DAB1: variants seen among roughly 807,000 people sequenced by gnomAD.
DAB1 encodes DAB adaptor protein 1, also known as disabled homolog 1.
DAB1 carries 15 observed loss-of-function variants against 64.6 expected under a neutral mutation model. That is an observed-to-expected ratio of 0.23 (90% confidence interval 0.16 to 0.36). The LOEUF (loss-of-function observed/expected upper bound fraction) is 0.36, where lower values mean the gene tolerates loss of function less well. Among genes scored for constraint, DAB1 ranks in the 10% least tolerant of loss-of-function variants. The probability of loss-of-function intolerance (pLI) is 1.00; values close to 1 mark genes in which losing one functional copy is unlikely to be tolerated. For missense variants in DAB1, 596 were observed against 706.7 expected (o/e 0.84, Z 1.78); for synonymous variants, 235 against 251.9 (o/e 0.93, Z 0.64).
At chr1:58,137,803 T>C (rs114423112) in intron 5 of DAB1, among the ~76,000 whole-genome samples, 1,645 of 152,308 alleles carry the variant, frequency 0.011, 31 homozygotes, top group African/African-American at 0.038. Context: ...AGACTACATA[T>C]TCAAGTGTCA....
intron 1 of DAB1, among the ~76,000 whole-genome samples, chr1:57,309,717 GA>G (rs145671626): frequency 0.027 from 4,061 of 151,458 alleles, 146 homozygotes; most frequent in African/African-American, 0.091. Flanking sequence ...ACTCAGAGAT[GA>G]AAAAAAAATT....
At chr1:57,436,574 A>C (rs1460346397) in intron 7 of DAB1, among the ~76,000 whole-genome samples, 2 of 152,226 alleles carry the variant, frequency 1.3e-5, no homozygotes, top group Non-Finnish European at 2.9e-5. Context: ...AATATAAACA[A>C]GATGTTCTGT....
intron 5 of DAB1, among the ~76,000 whole-genome samples, chr1:57,900,453 A>G (rs1303516459): frequency 6.6e-6 from 1 of 152,206 alleles, no homozygotes; most frequent in South Asian, 2.1e-4. Context: ...ACCCTGTTCT[A>G]GGATGCCAGT....
At chr1:57,253,875 T>C (rs1353257985) in intron 2 of DAB1, among the ~76,000 whole-genome samples, 2 of 152,206 alleles carry the variant, frequency 1.3e-5, no homozygotes, top group Admixed American at 6.5e-5. Flanking sequence ...TTATTAAGGA[T>C]AAAACATTTC....
At chr1:57,699,546 G>C (rs1646883487) in intron 6 of DAB1, among the ~76,000 whole-genome samples, 1 of 152,146 alleles carries the variant, frequency 6.6e-6, no homozygotes, top group Admixed American at 6.5e-5. Flanking sequence ...GGGATGATGA[G>C]GAAGCAAGAC....
At chr1:58,019,472 T>G (rs1646786453) in intron 5 of DAB1, among the ~76,000 whole-genome samples, 1 of 152,212 alleles carries the variant, frequency 6.6e-6, no homozygotes. Context: ...AAACTAACAA[T>G]TATTGCCTAC....
chr1:58,074,558 A>ATATACATATATATGTGTT (rs1170950120), intron 5 of DAB1: 1 of 57,604 alleles, frequency 1.7e-5, no homozygotes, highest in Admixed American at 2.4e-4. Context: ...ACATATATAT[A>ATATACATATATATGTGTT]TGTGTGTATA....
intron 3 of DAB1, among the ~76,000 whole-genome samples, chr1:58,446,221 T>C (rs1645065100): frequency 6.6e-6 from 1 of 152,322 alleles, no homozygotes; most frequent in Admixed American, 6.5e-5. Context: ...CAGGCAGGCA[T>C]TGGCCAAATC....
Position 58,318,544 on chromosome 1 carries a change from T to C in DAB1, n.309+24808A>G, listed in dbSNP as rs184722221. 3.1e-3 allele frequency among the ~76,000 whole-genome samples: 479 copies of C among 152,322 alleles called. 3 individuals are homozygous for C. The highest frequency in any genetic ancestry group is 0.011 in the African/African-American group (464 of 41,578). ...ACATAGAGTCACCAAATGTGAGACC[T>C]GTATAGAAGAACACACATTTTACAG... On this transcript the variant is annotated intron_variant and non_coding_transcript_variant, in intron 4 of 20. Transcript: ENST00000485760.
chr1:58,545,017 G>A (rs1187617989), intron 1 of DAB1, among the ~76,000 whole-genome samples: 1 of 152,098 alleles, frequency 6.6e-6, no homozygotes, highest in Non-Finnish European at 1.5e-5. Flanking sequence ...TTACAGTCAT[G>A]AGCCACCACG....
chr1:58,485,148 G>C (rs1645553424), intron 3 of DAB1, among the ~76,000 whole-genome samples: 2 of 137,076 alleles, frequency 1.5e-5, no homozygotes, highest in South Asian at 4.8e-4. Flanking sequence ...TGCGGGGACA[G>C]ATGTATAAGG....
chr1:57,609,992 C>G (rs749128801), intron 7 of DAB1, among the ~76,000 whole-genome samples: 27 of 152,176 alleles, frequency 1.8e-4, no homozygotes, highest in Non-Finnish European at 2.8e-4. Context: ...TTCCTGGGCA[C>G]CCACTAATTG....
chr1:57,535,505 C>T (rs1338455568), intron 7 of DAB1, among the ~76,000 whole-genome samples: 1 of 131,942 alleles, frequency 7.6e-6, no homozygotes, highest in African/African-American at 2.8e-5. Flanking sequence ...GTGTCTTGCT[C>T]TGTCGCCAGA....
chr1:58,150,974 A>G (rs967547241), intron 4 of DAB1, among the ~76,000 whole-genome samples: 2 of 152,136 alleles, frequency 1.3e-5, no homozygotes, highest in Non-Finnish European at 2.9e-5. Context: ...TAGTTTGCTG[A>G]GAATGGTGGT....
At chr1:58,034,248 A>G (rs1647012301) in intron 5 of DAB1, among the ~76,000 whole-genome samples, 1 of 152,236 alleles carries the variant, frequency 6.6e-6, no homozygotes, top group Non-Finnish European at 1.5e-5. Context: ...GTGCTAAAGA[A>G]CTGAGGGAAA....
In DAB1 at chr1:58,202,212, T is replaced by C. The variant is rs1570478166; in HGVS notation, n.310-51624A>G. Among the ~76,000 whole-genome samples the C allele has an allele frequency of 3.9e-5, 6 of 152,292 alleles. 1 individual carries two copies. The South Asian group carries it at 1.0e-3, about 26-fold the overall frequency. On this transcript the variant is annotated intron_variant and non_coding_transcript_variant, in intron 4 of 20. Coordinates refer to the DAB1 transcript ENST00000485760. ...ATTTAAGACTTCACAACAGTCAGAG[T>C]TGTTACTTAATCAATGCCTTCTGAC...
intron 1 of DAB1, among the ~76,000 whole-genome samples, chr1:57,321,613 G>A (rs1388242679): frequency 6.6e-6 from 1 of 152,166 alleles, no homozygotes; most frequent in African/African-American, 2.4e-5. Flanking sequence ...ATCATAAAAA[G>A]CAGGTGATAC....
chr1:58,064,146 T>G (rs1015505155), intron 5 of DAB1, among the ~76,000 whole-genome samples: 1 of 152,142 alleles, frequency 6.6e-6, no homozygotes, highest in Non-Finnish European at 1.5e-5. Context: ...TATAGAGATA[T>G]GAGATAGGGA....
intron 6 of DAB1, among the ~76,000 whole-genome samples, chr1:57,657,791 C>T (rs1275982976): frequency 6.6e-6 from 1 of 152,126 alleles, no homozygotes; most frequent in African/African-American, 2.4e-5. Context: ...TATGTTAGAT[C>T]CTCCTTTGCT....
Sources: gnomAD v4.1 joint callset for allele counts (sites outside exome capture counted in the v4.1 genomes callset) on GRCh38, gnomAD v4.1.1 for gene constraint, MANE v1.5 for transcripts, NCBI Gene and HGNC (gene_info 2026-07-23, HGNC 2026-07-21) for gene names.